Variants in HADHB observed in about 807,000 individuals in gnomAD.
HADHB encodes trifunctional enzyme subunit beta, mitochondrial.
Under a neutral mutation model 61.9 loss-of-function variants are expected in HADHB, and 50 were observed. The observed-to-expected ratio is 0.81, with a 90% CI of 0.64 to 1.02. The LOEUF is 1.02. Ranked by LOEUF, HADHB falls within the 50% of genes least tolerant of loss-of-function variation. The pLI is 0.00. For missense variants in HADHB, 504 were observed against 586.5 expected (o/e 0.86, Z 1.45); for synonymous variants, 191 against 201.6 (o/e 0.95, Z 0.45).
At chr2:26,249,487 G>C (rs1413888461) in intron 1 of HADHB, among the ~76,000 whole-genome samples, 1 of 152,024 alleles carries the variant, frequency 6.6e-6, no homozygotes, top group African/African-American at 2.4e-5. Context: ...CTCCAGCCTG[G>C]GCGACAGAGT....
intron 4 of HADHB, among the ~76,000 whole-genome samples, chr2:26,264,154 A>G (rs1671972507): frequency 6.6e-6 from 1 of 152,216 alleles, no homozygotes; most frequent in Non-Finnish European, 1.5e-5. Flanking sequence ...CCAGCTTTAA[A>G]AAAATGCTGC....
At chr2:26,250,949 T>G (rs1182890395) in intron 1 of HADHB, among the ~76,000 whole-genome samples, 1 of 151,524 alleles carries the variant, frequency 6.6e-6, no homozygotes, top group Admixed American at 6.6e-5. Flanking sequence ...TGGCATTTAT[T>G]TGTGCTTTCG....
chr2:26,251,556 C>T (rs1450555169), intron 1 of HADHB, among the ~76,000 whole-genome samples: 2 of 152,110 alleles, frequency 1.3e-5, no homozygotes, highest in African/African-American at 4.8e-5. Flanking sequence ...TGACAATTTT[C>T]ATGAATTTTA....
intron 1 of HADHB, among the ~76,000 whole-genome samples, chr2:26,249,064 AAAAAG>A (rs1671281084): frequency 6.6e-6 from 1 of 152,054 alleles, no homozygotes; most frequent in Non-Finnish European, 1.5e-5. Context: ...TCTCAAAAAA[AAAAAG>A]AAAATCACAA....
At chr2:26,283,511 G>A (rs547481341) in intron 12 of HADHB, among the ~76,000 whole-genome samples, 28 of 152,138 alleles carry the variant, frequency 1.8e-4, no homozygotes, top group African/African-American at 5.5e-4. Context: ...GCGACAGAGC[G>A]AGACTCCATC....
In HADHB at chr2:26,277,106, C is replaced by G. The variant is rs759277349; in HGVS notation, c.388C>G (p.Pro130Ala). The G allele has an allele frequency of 1.2e-6, 2 of 1,606,532 alleles. No individual in the cohort carries two copies. Among genetic ancestry groups the G allele is most frequent in the African/African-American group, 2.7e-5 (2 of 74,772 alleles). Residue 130 changes from proline to alanine, a missense_variant, in exon 7 of 16, where the codon CCT becomes GCT. Transcript: ENST00000317799. ...TGGAGCTGGCTTCTCTGACAAGACT[C>G]CTGCTCACACTGTCACCATGGCTTG... ...ALGAGFSDKTPAHTVTMACIS... is the reference protein window; with the variant it reads ...ALGAGFSDKTAAHTVTMACIS...
rs550817161 is a variant in HADHB, at chr2:26,252,671, C to T, written c.-8-1576C>T. 9.8e-4 allele frequency among the ~76,000 whole-genome samples: 149 copies of T among 152,278 alleles called. 1 individual carries two copies. The highest frequency in any genetic ancestry group is 3.4e-3 in the African/African-American group (142 of 41,558). ...TTCCGAATTGGTGCATAATCATTTC[C>T]TTACCTTTTACAGCTGCATAGTATT... On this transcript the variant is annotated intron_variant, in intron 1 of 15. Coordinates refer to ENST00000317799, the MANE Select transcript of HADHB (RefSeq NM_000183.3).
intron 6 of HADHB, 25 bp from the exon 7 acceptor site, chr2:26,277,048 A>G: frequency 8.6e-7 from 1 of 1,169,276 alleles, no homozygotes; most frequent in Non-Finnish European, 1.3e-6. Context: ...TATAGTGATC[A>G]TTTCATTCAC....
At chr2:26,259,859 CA>C (rs1175534770) in intron 3 of HADHB, among the ~76,000 whole-genome samples, 1 of 151,670 alleles carries the variant, frequency 6.6e-6, no homozygotes, top group Non-Finnish European at 1.5e-5. Context: ...ATTCGATGGG[CA>C]AAAAAGGGGC....
rs1672557761 is a variant in HADHB at position 26,277,099 on chromosome 2, C to T, written c.381C>T (p.Asp127=). The change falls in exon 7 of 16, where the codon GAC becomes GAT. Residue 127 remains aspartate (D), a synonymous_variant. Transcript: ENST00000317799. ...REAALGAGFS[D]KTPAHTVTMA... ...CTGCCCTTGGAGCTGGCTTCTCTGA[C>T]AAGACTCCTGCTCACACTGTCACCA... 6.2e-7 allele frequency: 1 copy of T among 1,603,712 alleles called. No individual in the cohort carries two copies.
rs1187378058 is a variant in HADHB, at chr2:26,244,946, C to T, written c.-53C>T. On this transcript the variant is annotated 5_prime_UTR_variant, in exon 1 of 16. Transcript: ENST00000317799. ...GTCCCGCAGAGCCTTGGTACTTGGACCTGAACCTTGCTCCGAGAGGGAGTC... is the reference window on the plus strand; with the variant it reads ...GTCCCGCAGAGCCTTGGTACTTGGATCTGAACCTTGCTCCGAGAGGGAGTC... The T allele has an allele frequency of 3.1e-5, 12 of 383,152 alleles. No individual in the cohort carries two copies. Among genetic ancestry groups the T allele is most frequent in the Non-Finnish European group, 5.5e-5 (11 of 199,776 alleles). 23.7% of individuals were successfully genotyped at this position (383,152 alleles called of 1,614,324 possible).
At chr2:26,250,787 C>T (rs1032661955) in intron 1 of HADHB, among the ~76,000 whole-genome samples, 2 of 151,794 alleles carry the variant, frequency 1.3e-5, no homozygotes, top group African/African-American at 4.8e-5. Context: ...TACCACTGCA[C>T]TACAGCTTGG....
At position 26,249,514 on chromosome 2, in the gene HADHB, AAAAT is replaced by A. The variant is rs543556416; in HGVS notation, c.-9+4540_-9+4543del. Among the ~76,000 whole-genome samples, 4 of 152,072 alleles carry A rather than the reference AAAAT, an allele frequency of 2.6e-5. No individual in the cohort carries two copies. The East Asian group carries it at 5.8e-4, about 22-fold the overall frequency. On this transcript the variant is annotated intron_variant, in intron 1 of 15. Coordinates refer to ENST00000317799, the MANE Select transcript of HADHB (RefSeq NM_000183.3). ...CGACAGAGTGAGACTCCGTCTCAAA[AAAAT>A]AAATAAATAAATAAAGGAGATTTAT...
At chr2:26,289,050 A>G (rs1183413285) in intron 15 of HADHB, among the ~76,000 whole-genome samples, 1 of 152,034 alleles carries the variant, frequency 6.6e-6, no homozygotes, top group African/African-American at 2.4e-5. Context: ...GGATATCGAG[A>G]CCATCCTGGC....
intron 15 of HADHB, among the ~76,000 whole-genome samples, chr2:26,287,880 C>T (rs1203429509): frequency 6.6e-6 from 1 of 152,168 alleles, no homozygotes; most frequent in Admixed American, 6.5e-5. Context: ...CCCAGGTACA[C>T]ACGGTTGGTA....
intron 9 of HADHB, among the ~76,000 whole-genome samples, chr2:26,279,628 A>T (rs1346164272): frequency 2.2e-5 from 3 of 139,414 alleles, no homozygotes; most frequent in Non-Finnish European, 4.7e-5. Flanking sequence ...ATCTCTAATT[A>T]AAAAAAAAAA....
chr2:26,281,392 C>T (rs1672781475), intron 10 of HADHB, among the ~76,000 whole-genome samples: 1 of 152,136 alleles, frequency 6.6e-6, no homozygotes, highest in Non-Finnish European at 1.5e-5. Flanking sequence ...AATGCCTGCT[C>T]TTGATAGGCT....
At chr2:26,285,935 G>A (rs762366619) in intron 15 of HADHB, among the ~76,000 whole-genome samples, 3 of 151,320 alleles carry the variant, frequency 2.0e-5, no homozygotes, top group Non-Finnish European at 4.4e-5. Flanking sequence ...ACAGAGTTTC[G>A]CCATGTTGGC....
At position 26,284,127 on chromosome 2, in the gene HADHB, G is replaced by C. The variant is rs750442725; in HGVS notation, c.1072G>C (p.Ala358Pro). 3.8e-6 allele frequency: 6 copies of C among 1,574,930 alleles called. No homozygotes were observed. Among genetic ancestry groups the C allele is most frequent in the South Asian group, 1.1e-5 (1 of 90,342 alleles). Reference sequence around the variant, plus strand: ...ATTTTTTCTTTGCAGACCAACATATGCTACTCCAAAAGTTCTAGAAAAGGC... The same window carrying C: ...ATTTTTTCTTTGCAGACCAACATATCCTACTCCAAAAGTTCTAGAAAAGGC... ...KDQLLLGPTYATPKVLEKAGL... is the reference protein window; with the variant it reads ...KDQLLLGPTYPTPKVLEKAGL... Residue 358 changes from alanine to proline, a missense_variant, in exon 13 of 16, where the codon GCT (alanine) becomes CCT (proline). Ala to Pro is a conservative substitution (Grantham distance 27, BLOSUM62 -1). Transcript: ENST00000317799.
Sources: allele counts gnomAD v4.1 joint callset (sites outside exome capture counted in the v4.1 genomes callset), GRCh38; gene constraint gnomAD v4.1.1; transcripts MANE v1.5; gene names NCBI Gene and HGNC (gene_info 2026-07-23, HGNC 2026-07-21).